The following MCC variants were observed in gnomAD, a reference collection of about 807,000 sequenced individuals.
MCC encodes the protein MCC regulator of Wnt signaling pathway.
In MCC, 90 loss-of-function variants were observed where a neutral mutation model predicts 116.2. The ratio of observed to expected loss-of-function variants is 0.77; its 90% confidence interval spans 0.65 to 0.92. The LOEUF is 0.92. MCC is among the 40% of genes least tolerant of loss of function. The probability of loss-of-function intolerance (pLI) is 0.00; values close to 1 mark genes in which losing one functional copy is unlikely to be tolerated. For synonymous variants in MCC, 578 were observed against 510.5 expected (o/e 1.13, Z -1.78); for missense variants, 1,516 against 1,312.2 (o/e 1.16, Z -2.40).
intron 1 of MCC, among the ~76,000 whole-genome samples, chr5:113,403,516 G>C (rs1302738949): frequency 6.6e-6 from 1 of 152,178 alleles, no homozygotes; most frequent in Non-Finnish European, 1.5e-5. Context: ...GAAATTTGTA[G>C]TACAAATCAT....
intron 1 of MCC, among the ~76,000 whole-genome samples, chr5:113,415,270 T>A (rs2150404605): frequency 6.6e-6 from 1 of 152,338 alleles, no homozygotes; most frequent in African/African-American, 2.4e-5. Context: ...TCGAGGAGTA[T>A]CTTTGTGGTG....
intron 1 of MCC, among the ~76,000 whole-genome samples, chr5:113,461,068 G>T (rs1244819535): frequency 1.3e-5 from 2 of 152,166 alleles, no homozygotes; most frequent in Non-Finnish European, 2.9e-5. Flanking sequence ...AGACCAGCCT[G>T]GGCAAAATAG....
chr5:113,298,033 A>T (rs963597595), intron 3 of MCC, among the ~76,000 whole-genome samples: 2 of 152,136 alleles, frequency 1.3e-5, no homozygotes, highest in Non-Finnish European at 2.9e-5. Context: ...AATTATGGAG[A>T]TAAGTCAGGG....
intron 13 of MCC, among the ~76,000 whole-genome samples, chr5:113,064,646 A>T (rs1753462153): frequency 2.0e-5 from 3 of 152,206 alleles, no homozygotes; most frequent in African/African-American, 7.2e-5. Context: ...AAGAGAGACA[A>T]AACTAATGGT....
In MCC at chr5:113,279,662, G is replaced by C. The variant is rs550660578; in HGVS notation, c.627+60857C>G. The stretch of plus-strand genomic sequence containing the variant: ...TCTAATACTATTCATTTTTAATTTG[G>C]AAAGAAACCTTGATAAGTCCAGATG... On this transcript the variant is annotated intron_variant, in intron 3 of 18. Transcript: ENST00000408903. 1.3e-3 allele frequency among the ~76,000 whole-genome samples: 192 copies of C among 152,222 alleles called. 1 individual carries two copies. The highest frequency in any genetic ancestry group is 4.4e-3 in the African/African-American group (182 of 41,536).
intron 1 of MCC, among the ~76,000 whole-genome samples, chr5:113,458,079 G>A (rs568314361): frequency 1.6e-4 from 25 of 152,274 alleles, no homozygotes; most frequent in East Asian, 1.9e-4. Flanking sequence ...ACCAATCAGC[G>A]GGATGTGGGT....
At chr5:113,100,742 A>C (rs1429025420) in intron 8 of MCC, among the ~76,000 whole-genome samples, 1 of 152,160 alleles carries the variant, frequency 6.6e-6, no homozygotes, top group Non-Finnish European at 1.5e-5. Context: ...AAGTGCTCGG[A>C]TTACAGGCGT....
intron 4 of MCC, among the ~76,000 whole-genome samples, chr5:113,147,046 G>A (rs552714295): frequency 2.6e-5 from 4 of 152,266 alleles, no homozygotes; most frequent in East Asian, 1.9e-4. Context: ...TGGATATGAC[G>A]AAATTTTGTT....
At chr5:113,288,263 G>A (rs1766340656) in intron 3 of MCC, among the ~76,000 whole-genome samples, 1 of 152,238 alleles carries the variant, frequency 6.6e-6, no homozygotes, top group Non-Finnish European at 1.5e-5. Flanking sequence ...GCCAACTGTA[G>A]AAGGAACTTA....
intron 1 of MCC, among the ~76,000 whole-genome samples, chr5:113,478,257 G>A (rs900252330): frequency 1.3e-5 from 2 of 152,156 alleles, no homozygotes; most frequent in African/African-American, 4.8e-5. Context: ...ACTGGCTGCT[G>A]TATGCCTGGG....
At chr5:113,276,423 CA>C (rs1190606963) in intron 3 of MCC, among the ~76,000 whole-genome samples, 1 of 152,162 alleles carries the variant, frequency 6.6e-6, no homozygotes, top group African/African-American at 2.4e-5. Flanking sequence ...CAATTCTGCA[CA>C]ATACACTGCT....
chr5:113,455,569 GC>G (rs1771520314), intron 1 of MCC, among the ~76,000 whole-genome samples: 1 of 152,138 alleles, frequency 6.6e-6, no homozygotes, highest in Admixed American at 6.6e-5. Context: ...CAAGTCTAAA[GC>G]CCTTTTCCAA....
At chr5:113,281,938 G>A (rs1341276136) in intron 3 of MCC, among the ~76,000 whole-genome samples, 1 of 152,146 alleles carries the variant, frequency 6.6e-6, no homozygotes, top group East Asian at 1.9e-4. Flanking sequence ...TAATATAGCA[G>A]CAAGAACTGG....
At chr5:113,046,710 A>AAAAAAAAAAAAAAAAAAAAAAGAAG in intron 16 of MCC, among the ~76,000 whole-genome samples, 1 of 102,410 alleles carries the variant, frequency 9.8e-6, no homozygotes. Context: ...AAAAAAAAAA[A>AAAAAAAAAAAAAAAAAAAAAAGAAG]AGAGAGAGAT....
chr5:113,201,387 CAAAAAAAAAA>C (rs68052804), intron 3 of MCC, among the ~76,000 whole-genome samples: 3 of 128,280 alleles, frequency 2.3e-5, no homozygotes, highest in African/African-American at 8.7e-5. Context: ...ACGCCATCTC[CAAAAAAAAAA>C]AAAAAAAACA....
intron 3 of MCC, among the ~76,000 whole-genome samples, chr5:113,218,177 C>T (rs17164185): frequency 6.7e-5 from 10 of 150,304 alleles, no homozygotes; most frequent in African/African-American, 2.2e-4. Context: ...CTCTTACTCA[C>T]GAGCACTGGC....
intron 2 of MCC, among the ~76,000 whole-genome samples, chr5:113,362,949 A>G (rs1768583761): frequency 1.3e-5 from 2 of 152,156 alleles, no homozygotes; most frequent in Non-Finnish European, 2.9e-5. Context: ...CTTCCTGACT[A>G]TAGCCTCTTG....
At chr5:113,128,340 G>T (rs925476338) in intron 5 of MCC, among the ~76,000 whole-genome samples, 1 of 152,152 alleles carries the variant, frequency 6.6e-6, no homozygotes, top group African/African-American at 2.4e-5. Flanking sequence ...GTGTTTTTTG[G>T]GCGAACTGCA....
At chr5:113,091,004 G>A (rs1329261295) in intron 8 of MCC, among the ~76,000 whole-genome samples, 1 of 152,184 alleles carries the variant, frequency 6.6e-6, no homozygotes, top group Non-Finnish European at 1.5e-5. Context: ...GTGGGAGGGA[G>A]GAGATGGAGG....
Sources: allele counts gnomAD v4.1 joint callset (sites outside exome capture counted in the v4.1 genomes callset), GRCh38; gene constraint gnomAD v4.1.1; transcripts MANE v1.5; gene names NCBI Gene and HGNC (gene_info 2026-07-23, HGNC 2026-07-21).